KATNIP: variants seen among roughly 807,000 people sequenced by gnomAD.
KATNIP encodes the protein katanin interacting protein.
KATNIP carries 126 observed loss-of-function variants against 174.0 expected under a neutral mutation model. The ratio of observed to expected loss-of-function variants is 0.72; its 90% confidence interval spans 0.63 to 0.84. The LOEUF (loss-of-function observed/expected upper bound fraction) is 0.84, where lower values mean the gene tolerates loss of function less well. Ranked by LOEUF, KATNIP falls within the 40% of genes least tolerant of loss-of-function variation. The pLI, the probability that KATNIP is intolerant of heterozygous loss-of-function variation, is 0.00. For synonymous variants in KATNIP, 810 were observed against 835.7 expected (o/e 0.97, Z 0.53); for missense variants, 1,958 against 2,109.7 (o/e 0.93, Z 1.41).
chr16:27,630,101 G>A (rs1173848715), intron 4 of KATNIP, among the ~76,000 whole-genome samples: 1 of 152,214 alleles, frequency 6.6e-6, no homozygotes, highest in Non-Finnish European at 1.5e-5. Flanking sequence ...TGCCTTTAAG[G>A]TAGGCTGCCT....
At chr16:27,713,181 A>G (rs2079661529) in intron 13 of KATNIP, among the ~76,000 whole-genome samples, 1 of 152,088 alleles carries the variant, frequency 6.6e-6, no homozygotes, top group South Asian at 2.1e-4. Context: ...TTCTTCCTCC[A>G]GTATTTTTTG....
intron 8 of KATNIP, among the ~76,000 whole-genome samples, chr16:27,690,363 T>TAGATAGATGATAGATAGATA (rs397837255): frequency 3.2e-4 from 29 of 91,022 alleles, no homozygotes; most frequent in Admixed American, 7.7e-4. Flanking sequence ...GATAGATAGA[T>TAGATAGATGATAGATAGATA]GATAGATAGA....
intron 1 of KATNIP, among the ~76,000 whole-genome samples, chr16:27,558,485 G>T (rs1247717081): frequency 6.6e-6 from 1 of 152,168 alleles, no homozygotes; most frequent in African/African-American, 2.4e-5. Context: ...TATATTATCT[G>T]CCTTTAGAAA....
rs1268325013 is a variant in KATNIP at position 27,681,448 on chromosome 16, G to A, written c.858G>A (p.Glu286=). 1.2e-6 allele frequency: 2 copies of A among 1,614,104 alleles called. No homozygotes were observed. The highest frequency in any genetic ancestry group is 1.3e-5 in the African/African-American group (1 of 74,948). The change falls in exon 8 of 28, where the codon GAG becomes GAA. Residue 286 remains glutamate (E), a synonymous_variant. Transcript: ENST00000261588. ...NLSAKRKDNA[E]VFVPTKPEPN... ...CTGCAAAGCGGAAGGACAATGCTGA[G>A]GTTTTCGTTCCCACCAAACCTGAGC... is the stretch of plus-strand genomic sequence containing the variant.
At chr16:27,627,166 C>T (rs979451099) in intron 3 of KATNIP, among the ~76,000 whole-genome samples, 7 of 152,186 alleles carry the variant, frequency 4.6e-5, no homozygotes, top group Admixed American at 1.3e-4. Context: ...TTTAGTCCCC[C>T]GATACACACG....
chr16:27,689,409 T>C (rs1373908679), intron 8 of KATNIP, among the ~76,000 whole-genome samples: 2 of 140,440 alleles, frequency 1.4e-5, no homozygotes, highest in Non-Finnish European at 3.1e-5. Context: ...AGACTCCGTC[T>C]AAAAAAAAAA....
At chr16:27,647,826 T>G (rs2077004074) in intron 5 of KATNIP, among the ~76,000 whole-genome samples, 1 of 152,084 alleles carries the variant, frequency 6.6e-6, no homozygotes, top group South Asian at 2.1e-4. Context: ...TTTTTAAATT[T>G]TTTTGTAGAG....
chr16:27,717,481 A>C (rs1361855155), intron 13 of KATNIP, among the ~76,000 whole-genome samples: 10 of 152,002 alleles, frequency 6.6e-5, no homozygotes, highest in Non-Finnish European at 1.2e-4. Context: ...TTTTCCTAGA[A>C]TGTGTCCCTA....
chr16:27,669,289 C>G, intron 6 of KATNIP: 1 of 985,370 alleles, frequency 1.0e-6, no homozygotes, highest in Non-Finnish European at 1.2e-6. Context: ...GTCTTTGTAT[C>G]AGCGTCCGTC....
chr16:27,752,998 G>T (rs2081575116), intron 17 of KATNIP, among the ~76,000 whole-genome samples: 1 of 152,168 alleles, frequency 6.6e-6, no homozygotes, highest in South Asian at 2.1e-4. Context: ...GCTGTGGGAA[G>T]GTCATGACTG....
At chr16:27,642,167 C>T (rs1247903429) in intron 5 of KATNIP, among the ~76,000 whole-genome samples, 1 of 152,154 alleles carries the variant, frequency 6.6e-6, no homozygotes, top group Admixed American at 6.5e-5. Context: ...CAAAATGTGG[C>T]ACATATACAC....
At chr16:27,664,701 A>G (rs1391027202) in intron 6 of KATNIP, among the ~76,000 whole-genome samples, 2 of 152,234 alleles carry the variant, frequency 1.3e-5, no homozygotes, top group African/African-American at 4.8e-5. Flanking sequence ...ATATATTTCA[A>G]ATATCTGTCA....
chr16:27,675,275 C>A (rs1375259405), intron 6 of KATNIP, among the ~76,000 whole-genome samples: 1 of 152,174 alleles, frequency 6.6e-6, no homozygotes, highest in Non-Finnish European at 1.5e-5. Flanking sequence ...TTTATAAAAT[C>A]ATCAGATCTT....
At chr16:27,732,011 G>A (rs1171597483) in intron 14 of KATNIP, among the ~76,000 whole-genome samples, 1 of 152,136 alleles carries the variant, frequency 6.6e-6, no homozygotes, top group Non-Finnish European at 1.5e-5. Context: ...GCGCCGACCC[G>A]GTATTGCCAC....
chr16:27,703,954 G>T lies in KATNIP; in HGVS notation c.1345G>T (p.Gly449Cys). The stretch of plus-strand genomic sequence containing the variant: ...CGTCGAAAGTGACTCTGCCCATCTC[G>T]GCAGGGTGGTTTCACCAACCAAGGA... ...QAVESDSAHL[G>C]RVVSPTKEQV... Residue 449 changes from glycine (G) to cysteine (C), a missense_variant, in exon 12 of 28, where the codon GGC (glycine) becomes TGC (cysteine). This residue lies in a region of KATNIP where 1,557 missense variants were observed against 1,617.8 expected (regional missense o/e 0.96). Coordinates refer to ENST00000261588, the MANE Select transcript of KATNIP (RefSeq NM_015202.5). The T allele has an allele frequency of 6.2e-7, 1 of 1,614,158 alleles. No individual in the cohort carries two copies. Among genetic ancestry groups the T allele is most frequent in the Non-Finnish European group, 8.5e-7 (1 of 1,180,024 alleles).
intron 15 of KATNIP, among the ~76,000 whole-genome samples, chr16:27,743,029 G>C (rs771530011): frequency 6.6e-6 from 1 of 152,052 alleles, no homozygotes; most frequent in Non-Finnish European, 1.5e-5. Flanking sequence ...CCCCCAACAG[G>C]CCACAGTGTG....
intron 3 of KATNIP, among the ~76,000 whole-genome samples, chr16:27,621,060 A>G (rs2142081804): frequency 6.6e-6 from 1 of 152,274 alleles, no homozygotes; most frequent in Non-Finnish European, 1.5e-5. Flanking sequence ...ACTATGCAGG[A>G]GGCTAAGGCA....
Position 27,616,899 on chromosome 16 carries a change from A to T in KATNIP, c.64-1526A>T, listed in dbSNP as rs1475755255. 2.1e-5 allele frequency among the ~76,000 whole-genome samples: 3 copies of T among 145,220 alleles called. No individual in the cohort carries two copies. In the South Asian group the frequency reaches 6.4e-4, roughly 31 times the overall value. On this transcript the variant is annotated intron_variant, in intron 2 of 27. Transcript: ENST00000261588. ...ATGCCATCTCTACTAAAAAAAAAAA[A>T]AAAAAAAAAAAAAAAAAAAAAAAAA...
At chr16:27,738,873 C>CT (rs1331791290) in intron 14 of KATNIP, among the ~76,000 whole-genome samples, 1 of 152,178 alleles carries the variant, frequency 6.6e-6, no homozygotes, top group Non-Finnish European at 1.5e-5. Flanking sequence ...TGGGAGCACA[C>CT]TCAGCTCGTG....
Sources: allele counts gnomAD v4.1 joint callset (sites outside exome capture counted in the v4.1 genomes callset), GRCh38; gene constraint gnomAD v4.1.1; regional missense constraint gnomAD v4.1.1; transcripts MANE v1.5; gene names NCBI Gene and HGNC (gene_info 2026-07-23, HGNC 2026-07-21).